Variants in TRDN observed in about 807,000 individuals in gnomAD.
The protein encoded by TRDN is triadin in skeletal muscle.
Under a neutral mutation model 149.7 loss-of-function variants are expected in TRDN, and 161 were observed. That is an observed-to-expected ratio of 1.08 (90% CI 0.95 to 1.23). The LOEUF (loss-of-function observed/expected upper bound fraction) is 1.23, where lower values mean the gene tolerates loss of function less well. TRDN is among the 50% of genes most tolerant of loss of function. The pLI is 0.00. For synonymous variants in TRDN, 294 were observed against 250.5 expected (o/e 1.17, Z -1.64); for missense variants, 896 against 823.5 (o/e 1.09, Z -1.08).
intron 2 of TRDN, among the ~76,000 whole-genome samples, chr6:123,557,814 C>A (rs975994814): frequency 1.2e-4 from 18 of 151,630 alleles, no homozygotes; most frequent in African/African-American, 4.1e-4. Flanking sequence ...CCCCCCCCAC[C>A]CCTTCTCTCC....
intron 9 of TRDN, among the ~76,000 whole-genome samples, chr6:123,494,520 A>T (rs1333588567): frequency 2.6e-5 from 4 of 152,220 alleles, no homozygotes; most frequent in Admixed American, 2.0e-4. Flanking sequence ...AAAACAGATA[A>T]TTTTCTTCAA....
At chr6:123,556,184 C>A (rs1381853412) in intron 2 of TRDN, among the ~76,000 whole-genome samples, 3 of 152,042 alleles carry the variant, frequency 2.0e-5, no homozygotes, top group Admixed American at 2.0e-4. Context: ...AAATGCCTTA[C>A]TTTACAAATG....
At chr6:123,546,276 C>A (rs1434551094) in intron 4 of TRDN, among the ~76,000 whole-genome samples, 1 of 152,114 alleles carries the variant, frequency 6.6e-6, no homozygotes, top group Non-Finnish European at 1.5e-5. Flanking sequence ...ACTTTCATTT[C>A]TGGATGCCTT....
chr6:123,246,924 C>T lies in TRDN; in HGVS notation c.1975+5488G>A, dbSNP rs568878305. 2.0e-5 allele frequency among the ~76,000 whole-genome samples: 3 copies of T among 152,264 alleles called. No individual in the cohort carries two copies. The South Asian group carries it at 6.2e-4, about 32-fold the overall frequency. On this transcript the variant is annotated intron_variant, in intron 38 of 40. Coordinates refer to ENST00000334268, the MANE Select transcript of TRDN (RefSeq NM_006073.4). ...CCACCACGATCAAGTTGGCTTCATC[C>T]CTGGGATGCAAGGTTGGTTCAACAT...
chr6:123,426,297 A>C (rs1774116743), intron 12 of TRDN, among the ~76,000 whole-genome samples: 1 of 152,158 alleles, frequency 6.6e-6, no homozygotes, highest in African/African-American at 2.4e-5. Context: ...AGTTTTAAAA[A>C]AGGAACAGTT....
chr6:123,465,778 A>G (rs1206480254), intron 9 of TRDN, among the ~76,000 whole-genome samples: 1 of 152,154 alleles, frequency 6.6e-6, no homozygotes, highest in Non-Finnish European at 1.5e-5. Flanking sequence ...CATTCCATAA[A>G]CTTCTGCTGT....
intron 16 of TRDN, 52 bp from the exon 17 acceptor site, chr6:123,377,950 A>G: frequency 7.8e-7 from 1 of 1,278,474 alleles, no homozygotes. Context: ...TCTAAAGTTT[A>G]TGAATCCCAA....
intron 4 of TRDN, among the ~76,000 whole-genome samples, chr6:123,543,939 G>A (rs934846592): frequency 2.6e-5 from 4 of 151,970 alleles, no homozygotes; most frequent in South Asian, 4.1e-4. Context: ...AAGGAAAAAA[G>A]TGTACATATT....
rs1313095987 is a variant in TRDN, at chr6:123,405,043, G to A, written c.1052-11366C>T. On this transcript the variant is annotated intron_variant, in intron 12 of 40. Transcript: ENST00000334268. Reference sequence around the variant, plus strand: ...GCTAAGGTTACTGAATATTGACATTGCTTCTGGAGCCCACATCTTCACGTA... The same window carrying A: ...GCTAAGGTTACTGAATATTGACATTACTTCTGGAGCCCACATCTTCACGTA... 4.6e-5 allele frequency among the ~76,000 whole-genome samples: 7 copies of A among 152,272 alleles called. No individual in the cohort carries two copies. In the East Asian group the frequency reaches 1.4e-3, roughly 29 times the overall value.
At chr6:123,336,853 C>CAT (rs1287598893) in intron 22 of TRDN, among the ~76,000 whole-genome samples, 1 of 150,824 alleles carries the variant, frequency 6.6e-6, no homozygotes, top group East Asian at 1.9e-4. Flanking sequence ...TGTTATAGTA[C>CAT]ATATATATAA....
At chr6:123,377,793 G>A (rs781641935) in intron 17 of TRDN, 51 bp from the exon 18 acceptor site, 59 of 1,608,676 alleles carry the variant, frequency 3.7e-5, no homozygotes, top group Non-Finnish European at 2.2e-5. Flanking sequence ...TCATTCAATT[G>A]TAATTCAGTA....
At chr6:123,416,855 C>T (rs62419021) in intron 12 of TRDN, among the ~76,000 whole-genome samples, 17,305 of 152,154 alleles carry the variant, frequency 0.11, 1,321 homozygotes, top group South Asian at 0.22. Flanking sequence ...GCATCTGCCA[C>T]CAAGCCTAGC....
intron 12 of TRDN, among the ~76,000 whole-genome samples, chr6:123,398,149 C>T (rs140901229): frequency 2.0e-5 from 3 of 152,182 alleles, no homozygotes; most frequent in African/African-American, 2.4e-5. Context: ...GGATTACAGG[C>T]GTCCGCCACT....
intron 9 of TRDN, among the ~76,000 whole-genome samples, chr6:123,485,522 T>C (rs1179188154): frequency 6.6e-6 from 1 of 152,096 alleles, no homozygotes; most frequent in African/African-American, 2.4e-5. Context: ...TGAAGGTATA[T>C]ATAAGCAGCA....
At chr6:123,447,007 T>C (rs1775421937) in intron 10 of TRDN, among the ~76,000 whole-genome samples, 1 of 152,192 alleles carries the variant, frequency 6.6e-6, no homozygotes, top group Admixed American at 6.5e-5. Context: ...TCCCTTCACA[T>C]TGTAATTAGG....
chr6:123,294,741 T>G (rs1208502466), intron 24 of TRDN, among the ~76,000 whole-genome samples: 1 of 152,108 alleles, frequency 6.6e-6, no homozygotes, highest in Non-Finnish European at 1.5e-5. Context: ...GCCTGGGGGT[T>G]GGGAATCCCT....
chr6:123,307,327 C>A (rs1778651930), intron 24 of TRDN, among the ~76,000 whole-genome samples: 1 of 152,118 alleles, frequency 6.6e-6, no homozygotes, highest in Non-Finnish European at 1.5e-5. Flanking sequence ...TCCAACACTT[C>A]TTATATCTGG....
At chr6:123,331,323 C>T (rs377641299) in intron 23 of TRDN, among the ~76,000 whole-genome samples, 2 of 152,104 alleles carry the variant, frequency 1.3e-5, no homozygotes, top group Admixed American at 1.3e-4. Flanking sequence ...AAGAACAGTG[C>T]TTGATTTAGG....
chr6:123,427,519 C>G (rs192667707), intron 12 of TRDN, among the ~76,000 whole-genome samples: 2 of 152,222 alleles, frequency 1.3e-5, no homozygotes, highest in Admixed American at 6.5e-5. Context: ...CACTCTTTCT[C>G]TGTTTGAAAA....
Sources: gnomAD v4.1 joint callset for allele counts (sites outside exome capture counted in the v4.1 genomes callset) on GRCh38, gnomAD v4.1.1 for gene constraint, MANE v1.5 for transcripts, NCBI Gene and HGNC (gene_info 2026-07-23, HGNC 2026-07-21) for gene names.